The following BRINP3 variants were observed in gnomAD, a reference collection of about 807,000 sequenced individuals.
BRINP3 encodes BMP/retinoic acid-inducible neural-specific protein 3.
BRINP3 carries 19 observed loss-of-function variants against 71.0 expected under a neutral mutation model. That is an observed-to-expected ratio of 0.27 (90% CI 0.19 to 0.39). BRINP3 has a LOEUF of 0.39. BRINP3 is among the 10% of genes least tolerant of loss of function. The probability of loss-of-function intolerance (pLI) is 1.00; values close to 1 mark genes in which losing one functional copy is unlikely to be tolerated. For synonymous variants in BRINP3, 380 were observed against 337.7 expected, an observed-to-expected ratio of 1.13 and a Z score of -1.37; for missense variants, 959 against 940.8, an observed-to-expected ratio of 1.02 and a Z score of -0.25.
intron 4 of BRINP3, among the ~76,000 whole-genome samples, chr1:190,252,954 C>A (rs1660284322): frequency 6.6e-6 from 1 of 151,994 alleles, no homozygotes; most frequent in African/African-American, 2.4e-5. Flanking sequence ...ATGACAGACC[C>A]CAGGGTGTGA....
At chr1:190,165,848 T>C (rs1651486380) in intron 6 of BRINP3, among the ~76,000 whole-genome samples, 1 of 152,030 alleles carries the variant, frequency 6.6e-6, no homozygotes, top group South Asian at 2.1e-4. Flanking sequence ...GACAGAGAAA[T>C]TCCAGACAGT....
intron 6 of BRINP3, among the ~76,000 whole-genome samples, chr1:190,185,976 C>T (rs889375508): frequency 6.6e-6 from 1 of 152,110 alleles, no homozygotes; most frequent in African/African-American, 2.4e-5. Flanking sequence ...ACGCTAATTA[C>T]TCTGATCTGA....
chr1:190,355,284 T>C (rs1668658020), intron 2 of BRINP3, among the ~76,000 whole-genome samples: 1 of 151,846 alleles, frequency 6.6e-6, no homozygotes, highest in South Asian at 2.1e-4. Context: ...TAAATAAGAA[T>C]GCACAGAATC....
intron 2 of BRINP3, among the ~76,000 whole-genome samples, chr1:190,447,263 G>C (rs1430468458): frequency 6.8e-6 from 1 of 146,906 alleles, no homozygotes; most frequent in Admixed American, 6.9e-5. Flanking sequence ...GATAGATATA[G>C]ACCAGACTAT....
chr1:190,353,637 T>C (rs535879410), intron 2 of BRINP3, among the ~76,000 whole-genome samples: 2 of 152,158 alleles, frequency 1.3e-5, no homozygotes, highest in East Asian at 1.9e-4. Flanking sequence ...TATGTATGTA[T>C]ATTTTGGAGC....
chr1:190,237,197 T>A (rs553585153), intron 4 of BRINP3, among the ~76,000 whole-genome samples: 1 of 151,980 alleles, frequency 6.6e-6, no homozygotes, highest in African/African-American at 2.4e-5. Flanking sequence ...ATCATATTTA[T>A]AATTTTATTT....
At chr1:190,450,903 G>T (rs1478803974) in intron 2 of BRINP3, among the ~76,000 whole-genome samples, 1 of 151,896 alleles carries the variant, frequency 6.6e-6, no homozygotes, top group African/African-American at 2.4e-5. Flanking sequence ...ACCATATAGT[G>T]GTTTAACTCT....
At chr1:190,278,235 G>A (rs1662762300) in intron 3 of BRINP3, among the ~76,000 whole-genome samples, 1 of 151,666 alleles carries the variant, frequency 6.6e-6, no homozygotes, top group East Asian at 1.9e-4. Flanking sequence ...GAAGCACCTA[G>A]TCATAATACA....
chr1:190,100,558 G>A (rs1202365369), intron 7 of BRINP3, among the ~76,000 whole-genome samples: 1 of 152,014 alleles, frequency 6.6e-6, no homozygotes, highest in East Asian at 1.9e-4. Flanking sequence ...ATTTTTAAGT[G>A]AATTTTAAAC....
At chr1:190,180,495 T>C (rs1016442859) in intron 6 of BRINP3, among the ~76,000 whole-genome samples, 6 of 152,078 alleles carry the variant, frequency 3.9e-5, no homozygotes, top group African/African-American at 7.2e-5. Context: ...AAAAATGCTG[T>C]AGATATAATA....
At chr1:190,430,844 A>G (rs1388890946) in intron 2 of BRINP3, among the ~76,000 whole-genome samples, 1 of 152,192 alleles carries the variant, frequency 6.6e-6, no homozygotes, top group Non-Finnish European at 1.5e-5. Flanking sequence ...GTTGGAGTCA[A>G]CCTATAAATT....
At chr1:190,187,404 T>A (rs1653627572) in intron 6 of BRINP3, among the ~76,000 whole-genome samples, 1 of 152,140 alleles carries the variant, frequency 6.6e-6, no homozygotes, top group Non-Finnish European at 1.5e-5. Flanking sequence ...ATTAGTATAC[T>A]TTTGCTTTTG....
chr1:190,323,284 T>C (rs1235011811), intron 2 of BRINP3, among the ~76,000 whole-genome samples: 1 of 152,004 alleles, frequency 6.6e-6, no homozygotes, highest in African/African-American at 2.4e-5. Flanking sequence ...CTTGTTAGCA[T>C]AACTGGATAG....
At chr1:190,457,631 C>T (rs559834377) in intron 1 of BRINP3, among the ~76,000 whole-genome samples, 1 of 152,210 alleles carries the variant, frequency 6.6e-6, no homozygotes, top group Non-Finnish European at 1.5e-5. Flanking sequence ...TAGAATAGTG[C>T]CTACCATATG....
At chr1:190,171,480 C>T (rs1292854464) in intron 6 of BRINP3, among the ~76,000 whole-genome samples, 1 of 152,048 alleles carries the variant, frequency 6.6e-6, no homozygotes, top group African/African-American at 2.4e-5. Flanking sequence ...TTTCACCAGT[C>T]AATGTAAATG....
chr1:190,335,660 C>T (rs1378166313), intron 2 of BRINP3, among the ~76,000 whole-genome samples: 1 of 151,430 alleles, frequency 6.6e-6, no homozygotes, highest in African/African-American at 2.4e-5. Flanking sequence ...TATATAAATT[C>T]GAATATTTTT....
At chr1:190,218,948 T>G (rs1291953192) in intron 6 of BRINP3, among the ~76,000 whole-genome samples, 1 of 152,130 alleles carries the variant, frequency 6.6e-6, no homozygotes, top group Non-Finnish European at 1.5e-5. Flanking sequence ...TTTTCTCTTG[T>G]CTGGAACATG....
intron 2 of BRINP3, among the ~76,000 whole-genome samples, chr1:190,405,896 T>C (rs1414157555): frequency 2.0e-5 from 3 of 152,170 alleles, no homozygotes; most frequent in Non-Finnish European, 4.4e-5. Flanking sequence ...GCCACATCAA[T>C]GTGTTATTTT....
intron 2 of BRINP3, among the ~76,000 whole-genome samples, chr1:190,288,260 T>C (rs1373923551): frequency 1.3e-5 from 2 of 151,960 alleles, no homozygotes; most frequent in African/African-American, 4.8e-5. Flanking sequence ...TCAAGAGGCA[T>C]AGACATATCT....
Sources: gnomAD v4.1 joint callset for allele counts (sites outside exome capture counted in the v4.1 genomes callset) on GRCh38, gnomAD v4.1.1 for gene constraint, MANE v1.5 for transcripts, NCBI Gene and HGNC (gene_info 2026-07-23, HGNC 2026-07-21) for gene names.